Variants in HTT observed in about 807,000 individuals in gnomAD.
HTT encodes the protein huntingtin.
In HTT, 104 loss-of-function variants were observed where a neutral mutation model predicts 362.3. That is an observed-to-expected ratio of 0.29 (90% CI 0.24 to 0.34). The LOEUF is 0.34. Among genes scored for constraint, HTT ranks in the 10% least tolerant of loss-of-function variants. The pLI, the probability that HTT is intolerant of heterozygous loss-of-function variation, is 1.00. For synonymous variants in HTT, 1,577 were observed against 1,548.7 expected (o/e 1.02, Z -0.43); for missense variants, 3,301 against 3,928.6 (o/e 0.84, Z 4.27).
rs1421765802 is a variant in HTT at position 3,178,476 on chromosome 4, T to C, written c.4612+30T>C. On this transcript the variant is annotated intron_variant, in intron 35 of 66. Transcript: ENST00000355072. Reference sequence around the variant, plus strand: ...CGGGACACACCTTTCACTGTCGTCTTCGGTGTCGTGATGTGCTTGGCAGTG... The same window carrying C: ...CGGGACACACCTTTCACTGTCGTCTCCGGTGTCGTGATGTGCTTGGCAGTG... 4 of 1,608,478 alleles carry C rather than the reference T, an allele frequency of 2.5e-6. No homozygotes were observed. The South Asian group carries it at 4.4e-5, about 18-fold the overall frequency.
chr4:3,077,438 G>A lies in HTT; in HGVS notation c.263+2350G>A, dbSNP rs1363027971. 2.6e-5 allele frequency among the ~76,000 whole-genome samples: 4 copies of A among 151,946 alleles called. No individual in the cohort carries two copies. The East Asian group carries it at 7.7e-4, about 29-fold the overall frequency. ...AATAATATATATCTATATATTTTTTGAGATGTAGTCTCACATTGTCACCCA... is the reference window on the plus strand; with the variant it reads ...AATAATATATATCTATATATTTTTTAAGATGTAGTCTCACATTGTCACCCA... On this transcript the variant is annotated intron_variant, in intron 1 of 66. Coordinates refer to ENST00000355072, the MANE Select transcript of HTT (RefSeq NM_001388492.1).
intron 56 of HTT, among the ~76,000 whole-genome samples, chr4:3,224,339 T>G (rs1720809992): frequency 6.6e-6 from 1 of 152,190 alleles, no homozygotes; most frequent in Non-Finnish European, 1.5e-5. Context: ...AGAAGCATTC[T>G]CTCCTGCCAG....
chr4:3,229,758 CAT>C, intron 59 of HTT, 127 bp from the exon 60 acceptor site: 1 of 1,003,232 alleles, frequency 1.0e-6, no homozygotes. Flanking sequence ...CACACGCACA[CAT>C]GCGTCCCGCA....
At chr4:3,151,939 T>A (rs981590625) in intron 26 of HTT, among the ~76,000 whole-genome samples, 1 of 152,108 alleles carries the variant, frequency 6.6e-6, no homozygotes, top group African/African-American at 2.4e-5. Flanking sequence ...TTTAATTTAA[T>A]TTTTTTGAGA....
intron 51 of HTT, among the ~76,000 whole-genome samples, chr4:3,216,124 A>T (rs1720386119): frequency 6.6e-6 from 1 of 152,136 alleles, no homozygotes; most frequent in Non-Finnish European, 1.5e-5. Flanking sequence ...CTTTTGTGCA[A>T]TCCTGGTTGT....
intron 26 of HTT, 131 bp from the exon 27 acceptor site, chr4:3,154,162 G>A: frequency 1.4e-6 from 1 of 711,248 alleles, no homozygotes; most frequent in Non-Finnish European, 2.3e-6. Flanking sequence ...CAGGGTCCAA[G>A]AACAAAATGA....
chr4:3,186,064 A>C (rs1718743189), intron 37 of HTT, among the ~76,000 whole-genome samples: 1 of 152,236 alleles, frequency 6.6e-6, no homozygotes, highest in South Asian at 2.1e-4. Context: ...GATTTTTCAA[A>C]ACAACTAAAA....
At chr4:3,151,055 A>C (rs940297390) in intron 26 of HTT, among the ~76,000 whole-genome samples, 2 of 123,280 alleles carry the variant, frequency 1.6e-5, no homozygotes, top group Non-Finnish European at 1.7e-5. Flanking sequence ...AAAACAAAAC[A>C]AAAAAAAAAA....
chr4:3,240,476 C>T lies in HTT; in HGVS notation c.*417C>T, dbSNP rs1721757016. 1 of 243,386 alleles carries T rather than the reference C, an allele frequency of 4.1e-6. No homozygotes were observed. The highest frequency in any genetic ancestry group is 1.1e-4 in the East Asian group (1 of 9,042). 15.1% of individuals were successfully genotyped at this position (243,386 alleles called of 1,614,324 possible). A position where few individuals can be genotyped will look rare whatever the true frequency, so the allele number is the denominator to read the frequency against. On this transcript the variant is annotated 3_prime_UTR_variant, in exon 67 of 67. Coordinates refer to ENST00000355072, the MANE Select transcript of HTT (RefSeq NM_001388492.1). ...AGGTGCCGTGAGCAGGCTTTGGGAACACTGGCCTGGGTCTCCCTGGTGGGG... is the reference window on the plus strand; with the variant it reads ...AGGTGCCGTGAGCAGGCTTTGGGAATACTGGCCTGGGTCTCCCTGGTGGGG...
chr4:3,157,229 A>G (rs773761376), intron 28 of HTT, 30 bp downstream of exon 28: 8 of 1,588,856 alleles, frequency 5.0e-6, no homozygotes, highest in Admixed American at 1.7e-5. Flanking sequence ...TTAAAAATAT[A>G]TATGCACACA....
chr4:3,219,888 C>T (rs1268126380), intron 52 of HTT, among the ~76,000 whole-genome samples: 2 of 152,226 alleles, frequency 1.3e-5, no homozygotes, highest in African/African-American at 4.8e-5. Flanking sequence ...GCGAGGGGTG[C>T]TGTCTCTAAC....
chr4:3,097,785 C>A (rs1713930307), intron 2 of HTT, among the ~76,000 whole-genome samples: 1 of 152,070 alleles, frequency 6.6e-6, no homozygotes, highest in Admixed American at 6.5e-5. Flanking sequence ...AGCTGATTAG[C>A]CCTATATCTA....
chr4:3,097,451 G>A (rs1185415757), intron 2 of HTT, among the ~76,000 whole-genome samples: 1 of 152,176 alleles, frequency 6.6e-6, no homozygotes, highest in African/African-American at 2.4e-5. Context: ...GGCCAACATG[G>A]TGAAACTCTG....
chr4:3,111,921 C>T (rs6834455), intron 6 of HTT, among the ~76,000 whole-genome samples: 1 of 152,082 alleles, frequency 6.6e-6, no homozygotes. Flanking sequence ...TCTGTGGCTT[C>T]AATAAGCTTG....
intron 59 of HTT, among the ~76,000 whole-genome samples, chr4:3,229,512 CCA>C (rs1219832118): frequency 2.7e-5 from 4 of 150,578 alleles, no homozygotes; most frequent in East Asian, 2.0e-4. Flanking sequence ...TGCACACACC[CCA>C]CACACATGTA....
In HTT at chr4:3,243,800, C is replaced by T. The variant is rs1443825343; in HGVS notation, c.*3741C>T. The T allele has an allele frequency of 1.3e-5, 2 of 152,296 alleles. No individual in the cohort carries two copies. The highest frequency in any genetic ancestry group is 4.8e-5 in the African/African-American group (2 of 41,462). The allele number at this position is 152,296 out of a possible 1,614,324, so 9.4% of individuals were successfully genotyped here. On this transcript the variant is annotated 3_prime_UTR_variant, in exon 67 of 67. Coordinates refer to ENST00000355072, the MANE Select transcript of HTT (RefSeq NM_001388492.1). ...GGGACTGTCAGCTGAGCTTGAGCTC[C>T]CCTGGAGCCAGCAGGGCTGTGATGG...
At chr4:3,204,711 T>C (rs927468711) in intron 42 of HTT, among the ~76,000 whole-genome samples, 2 of 152,146 alleles carry the variant, frequency 1.3e-5, no homozygotes, top group Non-Finnish European at 2.9e-5. Context: ...CTCGTGCCTG[T>C]AATCACAGCT....
intron 11 of HTT, 88 bp downstream of exon 11, chr4:3,125,717 G>A (rs778088792): frequency 2.1e-6 from 2 of 945,026 alleles, no homozygotes; most frequent in Non-Finnish European, 3.5e-6. Context: ...TGCACCTGGT[G>A]GACAGCACGA....
Position 3,215,086 on chromosome 4 carries a change from CTCTT to C in HTT, c.6953-22_6953-19del. ...CTGATGGAAGTGTGTAGAAATTCTT[CTCTT>C]TGTTCTGTTGTAATTTTAGTTGCAG... On this transcript the variant is annotated intron_variant, in intron 50 of 66. Coordinates refer to ENST00000355072, the MANE Select transcript of HTT (RefSeq NM_001388492.1). 1 of 1,564,604 alleles carries C rather than the reference CTCTT, an allele frequency of 6.4e-7. No individual in the cohort carries two copies. The highest frequency in any genetic ancestry group is 8.8e-7 in the Non-Finnish European group (1 of 1,137,162).
Sources: gnomAD v4.1 joint callset for allele counts (sites outside exome capture counted in the v4.1 genomes callset) on GRCh38, gnomAD v4.1.1 for gene constraint, MANE v1.5 for transcripts, NCBI Gene and HGNC (gene_info 2026-07-23, HGNC 2026-07-21) for gene names.